Variants in RNPEP observed in about 807,000 individuals in gnomAD.
The protein encoded by RNPEP is arginyl aminopeptidase.
In RNPEP, 57 loss-of-function variants were observed where a neutral mutation model predicts 70.1. The ratio of observed to expected loss-of-function variants is 0.81; its 90% CI spans 0.66 to 1.01. The LOEUF is 1.01. Among genes scored for constraint, RNPEP ranks in the 50% least tolerant of loss-of-function variants. The pLI is 0.00. For missense variants in RNPEP, 787 were observed against 852.4 expected (o/e 0.92, Z 0.96); for synonymous variants, 335 against 357.4 (o/e 0.94, Z 0.71).
Position 201,982,682 on chromosome 1 carries a change from C to T in RNPEP, c.16C>T (p.His6Tyr), listed in dbSNP as rs1174126836. MASGE[H>Y]SPGSGAARRP... is the part of the protein sequence containing the mutation. ...CTCTGCGGCCATGGCGAGCGGCGAG[C>T]ATTCCCCCGGCAGCGGCGCGGCCCG... The change falls in exon 1 of 11, where the codon CAT (histidine) becomes TAT (tyrosine). Residue 6 changes from histidine (H) to tyrosine (Y), a missense_variant. His to Tyr is a moderately conservative substitution (Grantham distance 83, BLOSUM62 2). Transcript: ENST00000295640. 3.6e-6 allele frequency: 5 copies of T among 1,386,102 alleles called. No individual in the cohort carries two copies. Among genetic ancestry groups the T allele is most frequent in the South Asian group, 3.2e-5 (2 of 62,234 alleles). 85.9% of individuals were successfully genotyped at this position (1,386,102 alleles called of 1,614,324 possible). A position where few individuals can be genotyped will look rare whatever the true frequency, so the allele number is the denominator to read the frequency against.
chr1:201,990,298 G>A (rs1198353076), intron 3 of RNPEP, among the ~76,000 whole-genome samples: 3 of 152,264 alleles, frequency 2.0e-5, no homozygotes, highest in African/African-American at 4.8e-5. Flanking sequence ...GAAGAGGGAA[G>A]TGGACTCTCC....
At chr1:201,994,397 G>A (rs1280744180) in intron 3 of RNPEP, among the ~76,000 whole-genome samples, 3 of 151,998 alleles carry the variant, frequency 2.0e-5, no homozygotes, top group African/African-American at 7.3e-5. Context: ...TTCATGACCC[G>A]ACCCTCTTGG....
intron 1 of RNPEP, among the ~76,000 whole-genome samples, chr1:201,984,186 G>T (rs1402473752): frequency 6.6e-6 from 1 of 152,164 alleles, no homozygotes; most frequent in Non-Finnish European, 1.5e-5. Context: ...TGCCTCGGCG[G>T]CCTCCCAAAG....
chr1:201,997,192 C>T (rs1228998322), intron 4 of RNPEP, 127 bp from the exon 5 acceptor site: 12 of 729,374 alleles, frequency 1.6e-5, no homozygotes, highest in Middle Eastern at 3.7e-4. Context: ...GCACTGGGCC[C>T]GAAGTCGTAC....
intron 1 of RNPEP, among the ~76,000 whole-genome samples, chr1:201,985,910 T>C (rs1260736449): frequency 6.6e-6 from 1 of 152,154 alleles, no homozygotes; most frequent in African/African-American, 2.4e-5. Context: ...TTCCTTGTTT[T>C]TGATATAACT....
intron 3 of RNPEP, chr1:201,995,901 A>G: frequency 2.2e-6 from 1 of 452,186 alleles, no homozygotes; most frequent in African/African-American, 2.0e-5. Context: ...GATCGCATTC[A>G]GTAGTGAAGC....
At chr1:201,998,888 A>G (rs1683671482) in intron 5 of RNPEP, among the ~76,000 whole-genome samples, 1 of 152,176 alleles carries the variant, frequency 6.6e-6, no homozygotes. Flanking sequence ...TTTGGGGTTG[A>G]TAATTTCTTT....
In RNPEP at chr1:201,997,317, A is replaced by G; in HGVS notation, c.855-2A>G. 1 of 1,613,462 alleles carries G rather than the reference A, an allele frequency of 6.2e-7. No individual in the cohort carries two copies. Among genetic ancestry groups the G allele is most frequent in the Non-Finnish European group, 8.5e-7 (1 of 1,179,426 alleles). ...CTTGGTGACCTCCCCGCTTCTCGGC[A>G]GGTATGACTTGCTCTTCATGCCACC... On this transcript the variant is annotated splice_acceptor_variant, in intron 4 of 10. Coordinates refer to ENST00000295640, the MANE Select transcript of RNPEP (RefSeq NM_020216.4). LOFTEE classifies it high-confidence loss of function.
chr1:201,984,358 G>C (rs1035229372), intron 1 of RNPEP, among the ~76,000 whole-genome samples: 3 of 152,206 alleles, frequency 2.0e-5, no homozygotes, highest in Admixed American at 2.0e-4. Context: ...AGCGGCTTCC[G>C]GATCACAGAT....
At chr1:202,002,519 TG>T (rs1194208977) in intron 8 of RNPEP, among the ~76,000 whole-genome samples, 1 of 152,198 alleles carries the variant, frequency 6.6e-6, no homozygotes, top group East Asian at 1.9e-4. Context: ...TGTCCTGTCA[TG>T]GAAGACACAA....
intron 3 of RNPEP, chr1:201,995,793 T>C (rs1488738202): frequency 1.4e-5 from 3 of 209,944 alleles, no homozygotes; most frequent in East Asian, 1.1e-4. Flanking sequence ...ATTTACTGTA[T>C]AAATGTTTGA....
At chr1:202,004,547 G>T (rs769101839) in intron 10 of RNPEP, 51 bp downstream of exon 10, 3 of 1,600,934 alleles carry the variant, frequency 1.9e-6, no homozygotes, top group East Asian at 2.2e-5. Flanking sequence ...GACCCACTCG[G>T]CCATATGTGA....
At chr1:201,991,429 C>T (rs571128729) in intron 3 of RNPEP, among the ~76,000 whole-genome samples, 9 of 152,264 alleles carry the variant, frequency 5.9e-5, no homozygotes, top group African/African-American at 9.6e-5. Flanking sequence ...TTTATTAAAT[C>T]GGAGGGTCTT....
chr1:201,984,906 T>G (rs1297755914), intron 1 of RNPEP, among the ~76,000 whole-genome samples: 1 of 148,482 alleles, frequency 6.7e-6, no homozygotes, highest in Non-Finnish European at 1.5e-5. Context: ...AAAATCTCGT[T>G]TCCAGGCTGG....
chr1:202,002,984 C>A, intron 8 of RNPEP: 1 of 447,130 alleles, frequency 2.2e-6, no homozygotes, highest in Non-Finnish European at 4.0e-6. Flanking sequence ...GAGCATCCAC[C>A]AACTTGGCTC....
chr1:201,999,681 C>T (rs1196147075), intron 5 of RNPEP, among the ~76,000 whole-genome samples: 1 of 152,208 alleles, frequency 6.6e-6, no homozygotes, highest in Non-Finnish European at 1.5e-5. Context: ...TAACCAAGTC[C>T]TTTGTAGCCC....
At chr1:202,000,974 A>T (rs1243217005) in intron 6 of RNPEP, 1 of 180,306 alleles carries the variant, frequency 5.5e-6, no homozygotes, top group Non-Finnish European at 1.1e-5. Flanking sequence ...GAAAAGACAC[A>T]GCTTGGTGCT....
At chr1:201,992,064 C>T (rs369801606) in intron 3 of RNPEP, among the ~76,000 whole-genome samples, 29 of 150,984 alleles carry the variant, frequency 1.9e-4, no homozygotes, top group African/African-American at 7.1e-4. Flanking sequence ...TCTTGCCTCG[C>T]TCTCTTGCCC....
chr1:202,002,942 T>C (rs2102983639), intron 8 of RNPEP, among the ~76,000 whole-genome samples: 1 of 152,068 alleles, frequency 6.6e-6, no homozygotes. Context: ...TACAGTGTGG[T>C]TGTGATCGGT....
Sources: gnomAD v4.1 joint callset for allele counts (sites outside exome capture counted in the v4.1 genomes callset) on GRCh38, gnomAD v4.1.1 for gene constraint, MANE v1.5 for transcripts, NCBI Gene and HGNC (gene_info 2026-07-23, HGNC 2026-07-21) for gene names.